The following SEL1L2 variants were observed in gnomAD, a reference collection of about 807,000 sequenced individuals.
SEL1L2 encodes SEL1L2 adaptor subunit of SYVN1 ubiquitin ligase.
A neutral mutation model predicts 98.8 loss-of-function variants in SEL1L2; 89 were observed. The observed-to-expected ratio is 0.90, with a 90% CI of 0.76 to 1.07. SEL1L2 has a LOEUF of 1.07. Among genes scored for constraint, SEL1L2 ranks in the 50% least tolerant of loss-of-function variants. The pLI is 0.00. For missense variants in SEL1L2, 788 were observed against 812.0 expected (o/e 0.97, Z 0.36); for synonymous variants, 262 against 278.5 (o/e 0.94, Z 0.59).
rs1987836558 is a variant in SEL1L2, at chr20:13,849,419, T to C, written c.*66A>G. The C allele has an allele frequency of 2.0e-5, 32 of 1,579,184 alleles. No individual in the cohort carries two copies. In the South Asian group the frequency reaches 3.7e-4, roughly 18 times the overall value. ...GACTCTTGATTTGGATGGGAAACTG[T>C]TTATTTAGTGGGGATACCTTGGAGT... is the stretch of plus-strand genomic sequence containing the variant. On this transcript the variant is annotated 3_prime_UTR_variant, in exon 20 of 20. Transcript: ENST00000284951.
At chr20:13,994,727 T>C (rs1033963788), upstream of SEL1L2, among the ~76,000 whole-genome samples, 4 of 152,156 alleles carry the variant, frequency 2.6e-5, no homozygotes, top group African/African-American at 7.2e-5. Context: ...CATTAAGCAA[T>C]TGGTAGAATA....
chr20:13,851,432 G>C (rs886517840), intron 18 of SEL1L2: 28 of 152,128 alleles, frequency 1.8e-4, no homozygotes, highest in African/African-American at 6.8e-4. Flanking sequence ...TCAATGAAGT[G>C]CCTAGTACGC....
chr20:13,921,239 C>A (rs770384317), intron 3 of SEL1L2, among the ~76,000 whole-genome samples: 11 of 152,182 alleles, frequency 7.2e-5, no homozygotes, highest in Non-Finnish European at 5.9e-5. Flanking sequence ...GTGGTGCAAT[C>A]TTGGCTCACT....
At chr20:13,944,744 T>TC in intron 2 of SEL1L2, among the ~76,000 whole-genome samples, 1 of 152,326 alleles carries the variant, frequency 6.6e-6, no homozygotes, top group Admixed American at 6.5e-5. Flanking sequence ...TCAAACTGTT[T>TC]CCTTTTTTCA....
intron 3 of SEL1L2, among the ~76,000 whole-genome samples, chr20:13,925,234 T>A (rs1307121072): frequency 1.3e-5 from 2 of 152,226 alleles, no homozygotes; most frequent in African/African-American, 4.8e-5. Flanking sequence ...CAGTAAGTCT[T>A]CCTTTGTGGG....
At chr20:13,893,123 T>G (rs1211160887) in intron 5 of SEL1L2, among the ~76,000 whole-genome samples, 1 of 152,134 alleles carries the variant, frequency 6.6e-6, no homozygotes, top group Non-Finnish European at 1.5e-5. Context: ...GGTGAAATGG[T>G]CATTTAATCA....
intron 5 of SEL1L2, among the ~76,000 whole-genome samples, chr20:13,905,871 C>CTTTTT (rs903449859): frequency 8.1e-6 from 1 of 123,762 alleles, no homozygotes; most frequent in African/African-American, 3.0e-5. Flanking sequence ...TTTTCTTTTC[C>CTTTTT]TTTTTTTTTT....
intron 5 of SEL1L2, among the ~76,000 whole-genome samples, chr20:13,888,713 A>G (rs1321780937): frequency 3.1e-5 from 4 of 127,076 alleles, no homozygotes; most frequent in Non-Finnish European, 4.6e-5. Context: ...ATCTCGGCTC[A>G]CTGCAATCTC....
chr20:13,849,275 G>A lies in SEL1L2; in HGVS notation c.*210C>T, dbSNP rs1224117587. On this transcript the variant is annotated 3_prime_UTR_variant, in exon 20 of 20. Transcript: ENST00000284951. ...TTGGTAACAAGGTCTTAGGTGACCA[G>A]TTCCCAGCATCCCGCAAAGGGTTTT... 3.0e-5 allele frequency: 16 copies of A among 536,026 alleles called. No individual in the cohort carries two copies. The highest frequency in any genetic ancestry group is 3.3e-6 in the Non-Finnish European group (1 of 306,674). The allele number at this position is 536,026 out of a possible 1,614,324, so 33.2% of individuals were successfully genotyped here. A position where few individuals can be genotyped will look rare whatever the true frequency, so the allele number is the denominator to read the frequency against.
upstream of SEL1L2, among the ~76,000 whole-genome samples, chr20:13,990,854 T>C (rs2052511450): frequency 6.6e-6 from 1 of 152,204 alleles, no homozygotes; most frequent in Non-Finnish European, 1.5e-5. Context: ...CGTTCAACTG[T>C]GTTCAGGGGT....
intron 5 of SEL1L2, among the ~76,000 whole-genome samples, chr20:13,902,454 A>G (rs1421887077): frequency 6.6e-6 from 1 of 152,194 alleles, no homozygotes; most frequent in African/African-American, 2.4e-5. Context: ...TCTAGGTATC[A>G]TTATGAACAA....
At chr20:13,991,770 A>G (rs1032499758), upstream of SEL1L2, among the ~76,000 whole-genome samples, 3 of 152,072 alleles carry the variant, frequency 2.0e-5, no homozygotes, top group African/African-American at 7.2e-5. Context: ...AGGCAGTTGG[A>G]TTACTTGAGG....
intron 1 of SEL1L2, among the ~76,000 whole-genome samples, chr20:13,965,155 G>T (rs1192843252): frequency 6.6e-6 from 1 of 151,910 alleles, no homozygotes; most frequent in African/African-American, 2.4e-5. Flanking sequence ...CACATAGGCT[G>T]CCACTTAAGA....
At chr20:13,919,354 T>C (rs2048551638) in intron 3 of SEL1L2, among the ~76,000 whole-genome samples, 1 of 152,170 alleles carries the variant, frequency 6.6e-6, no homozygotes, top group Non-Finnish European at 1.5e-5. Flanking sequence ...TGAAAGGATC[T>C]GGAAGGTGAA....
rs780294940 is a variant in SEL1L2 at position 13,888,496 on chromosome 20, G to T, written c.566C>A (p.Ser189Tyr). The T allele has an allele frequency of 1.8e-5, 28 of 1,561,690 alleles. 1 individual carries two copies. The highest frequency in any genetic ancestry group is 1.5e-4 in the South Asian group (13 of 85,850). Residue 189 changes from serine to tyrosine, a missense_variant, in exon 6 of 20, where the codon TCT becomes TAT. By Grantham distance (144) the Ser-to-Tyr change is moderately radical (BLOSUM62 -2). Transcript: ENST00000284951. ...ATATTCCATTCCTATTCCATAAGAA[G>T]ACAAAAATCCTAATGCCTAAAGCAC... ...CKAQNALGFL[S>Y]SYGIGMEYDQ...
chr20:13,888,104 A>G, intron 6 of SEL1L2, 103 bp from the exon 7 acceptor site: 1 of 901,526 alleles, frequency 1.1e-6, no homozygotes, highest in Non-Finnish European at 1.7e-6. Context: ...CTCCATAATG[A>G]CCCATTGAGT....
chr20:13,884,709 G>A (rs985914543), intron 10 of SEL1L2, among the ~76,000 whole-genome samples: 2 of 151,570 alleles, frequency 1.3e-5, no homozygotes, highest in African/African-American at 2.4e-5. Flanking sequence ...GGGTTTCACC[G>A]TGTTCGCCAG....
intron 4 of SEL1L2, among the ~76,000 whole-genome samples, chr20:13,914,956 A>C (rs2048340777): frequency 6.6e-6 from 1 of 152,230 alleles, no homozygotes; most frequent in African/African-American, 2.4e-5. Flanking sequence ...CATGTGTCAG[A>C]GACAGGGAGT....
chr20:13,894,609 G>T (rs2148042609), intron 5 of SEL1L2, among the ~76,000 whole-genome samples: 1 of 152,160 alleles, frequency 6.6e-6, no homozygotes, highest in South Asian at 2.1e-4. Context: ...CAAACCTTTA[G>T]CTAGATCAAC....
Sources: allele counts gnomAD v4.1 joint callset (sites outside exome capture counted in the v4.1 genomes callset), GRCh38; gene constraint gnomAD v4.1.1; transcripts MANE v1.5; gene names NCBI Gene and HGNC (gene_info 2026-07-23, HGNC 2026-07-21).